Variants in BBOX1 observed in about 807,000 individuals in gnomAD.
BBOX1 encodes gamma-butyrobetaine dioxygenase.
Under a neutral mutation model 41.6 loss-of-function variants are expected in BBOX1, and 35 were observed. That is an observed-to-expected ratio of 0.84 (90% confidence interval 0.64 to 1.11). The LOEUF is 1.11. Among genes scored for constraint, BBOX1 ranks in the 50% most tolerant of loss-of-function variants. The pLI, the probability that BBOX1 is intolerant of heterozygous loss-of-function variation, is 0.00. For missense variants in BBOX1, 458 were observed against 460.6 expected, an observed-to-expected ratio of 0.99 and a Z score of 0.05; for synonymous variants, 163 against 154.7, an observed-to-expected ratio of 1.05 and a Z score of -0.40.
In BBOX1 at chr11:27,055,605, G is replaced by T; in HGVS notation, c.175G>T (p.Asp59Tyr). The T allele has an allele frequency of 6.2e-7, 1 of 1,614,130 alleles. No homozygotes were observed. Among genetic ancestry groups the T allele is most frequent in the Middle Eastern group, 1.6e-4 (1 of 6,062 alleles). ...KARKLLVEAL[D>Y]VNIGIKGLIF... ...ACGGAAACTTCTAGTGGAAGCTCTT[G>T]ATGTGAACATTGGAATTAAAGGCTT... The change falls in exon 3 of 9, where the codon GAT becomes TAT. Residue 59 changes from aspartate (D) to tyrosine (Y), a missense_variant. Transcript: ENST00000263182.
intron 4 of BBOX1, among the ~76,000 whole-genome samples, chr11:27,085,984 ACT>A (rs1275107058): frequency 4.6e-5 from 7 of 152,120 alleles, no homozygotes; most frequent in African/African-American, 1.2e-4. Flanking sequence ...CAAGGCCCTA[ACT>A]CTGTTTAATT....
chr11:27,053,381 T>G (rs916914575), intron 2 of BBOX1, among the ~76,000 whole-genome samples: 1 of 152,242 alleles, frequency 6.6e-6, no homozygotes, highest in Non-Finnish European at 1.5e-5. Context: ...TCGCCTACAT[T>G]GTTTTTGTGC....
At position 27,119,834 on chromosome 11, in the gene BBOX1, T is replaced by A. The variant is rs1415478915; in HGVS notation, c.825T>A (p.His275Gln). ...DYCDFSVQSK[H>Q]KIIELDDKGQ... ...GTGATTTTTCTGTACAATCAAAACA[T>A]AAAATTATAGAGTAAGTACTATTTA... is the stretch of plus-strand genomic sequence containing the variant. The change falls in exon 7 of 9, where the codon CAT becomes CAA. Residue 275 changes from histidine to glutamine, a missense_variant. Coordinates refer to ENST00000263182, the MANE Select transcript of BBOX1 (RefSeq NM_003986.3). 7.3e-6 allele frequency: 11 copies of A among 1,511,836 alleles called. No homozygotes were observed. Among genetic ancestry groups the A allele is most frequent in the African/African-American group, 1.4e-5 (1 of 70,514 alleles). The allele number at this position is 1,511,836 out of a possible 1,614,324, so 93.7% of individuals were successfully genotyped here.
At chr11:27,096,160 T>A (rs1858431755) in intron 5 of BBOX1, among the ~76,000 whole-genome samples, 1 of 151,954 alleles carries the variant, frequency 6.6e-6, no homozygotes, top group African/African-American at 2.4e-5. Context: ...GTGCTTTATA[T>A]CATCTGAACT....
intron 5 of BBOX1, among the ~76,000 whole-genome samples, chr11:27,097,593 G>A (rs1004102144): frequency 6.6e-6 from 1 of 151,976 alleles, no homozygotes; most frequent in Non-Finnish European, 1.5e-5. Flanking sequence ...ACTTGAATTG[G>A]CTTCCTTTAA....
intron 4 of BBOX1, among the ~76,000 whole-genome samples, chr11:27,063,753 T>C (rs560357427): frequency 6.6e-6 from 1 of 152,246 alleles, no homozygotes; most frequent in South Asian, 2.1e-4. Context: ...CTTCAGTCTA[T>C]AGCTATAACG....
intron 2 of BBOX1, among the ~76,000 whole-genome samples, chr11:27,055,021 C>A (rs1172607786): frequency 1.3e-5 from 2 of 152,160 alleles, no homozygotes; most frequent in Admixed American, 6.5e-5. Flanking sequence ...GTGATTGTTA[C>A]ACTTTCAATT....
At chr11:27,122,559 C>T (rs1240863047) in intron 7 of BBOX1, among the ~76,000 whole-genome samples, 1 of 152,112 alleles carries the variant, frequency 6.6e-6, no homozygotes, top group Non-Finnish European at 1.5e-5. Context: ...CCAAAGCAAA[C>T]AGAGACTATA....
chr11:27,084,636 G>T (rs1021012626), intron 4 of BBOX1, among the ~76,000 whole-genome samples: 1 of 152,114 alleles, frequency 6.6e-6, no homozygotes, highest in Non-Finnish European at 1.5e-5. Context: ...CTATTTCAGA[G>T]CCAACAGCTC....
intron 4 of BBOX1, among the ~76,000 whole-genome samples, chr11:27,076,089 T>C (rs891627840): frequency 6.6e-6 from 1 of 152,196 alleles, no homozygotes; most frequent in African/African-American, 2.4e-5. Context: ...ACTCTCCGCC[T>C]AGGAGTAGGA....
chr11:27,045,036 C>T (rs897764626), intron 2 of BBOX1, among the ~76,000 whole-genome samples: 10 of 152,252 alleles, frequency 6.6e-5, no homozygotes, highest in Non-Finnish European at 1.0e-4. Flanking sequence ...GCCATTTTCA[C>T]GATATTGATT....
At chr11:27,083,987 T>C (rs1265879324) in intron 4 of BBOX1, among the ~76,000 whole-genome samples, 1 of 152,114 alleles carries the variant, frequency 6.6e-6, no homozygotes, top group Non-Finnish European at 1.5e-5. Context: ...CCTTAGCACT[T>C]GTCACATACA....
intron 5 of BBOX1, among the ~76,000 whole-genome samples, chr11:27,110,520 C>T (rs566384211): frequency 6.6e-6 from 1 of 152,040 alleles, no homozygotes; most frequent in African/African-American, 2.4e-5. Context: ...ACTAAACATA[C>T]TCCGAACTCA....
chr11:27,055,471 C>T lies in BBOX1; in HGVS notation c.41C>T (p.Ala14Val), dbSNP rs540166569. 7 of 1,614,084 alleles carry T rather than the reference C, an allele frequency of 4.3e-6. No individual in the cohort carries two copies. In the East Asian group the frequency reaches 8.9e-5, roughly 21 times the overall value. ...CAAAAGGCAGAAGCACTTGACGGGG[C>T]TCATTTGATGCAGATCCTCTGGTAT... ...TIQKAEALDGAHLMQILWYDE... is the reference protein window; with the variant it reads ...TIQKAEALDGVHLMQILWYDE... The change falls in exon 3 of 9, where the codon GCT becomes GTT. Residue 14 changes from alanine to valine, a missense_variant. Transcript: ENST00000263182.
At chr11:27,078,130 C>T (rs1857699488) in intron 4 of BBOX1, among the ~76,000 whole-genome samples, 1 of 152,020 alleles carries the variant, frequency 6.6e-6, no homozygotes, top group Non-Finnish European at 1.5e-5. Context: ...CTTTACCTAG[C>T]CATTCTACAA....
chr11:27,061,867 T>C (rs1857142671), intron 4 of BBOX1, among the ~76,000 whole-genome samples: 1 of 152,226 alleles, frequency 6.6e-6, no homozygotes, highest in African/African-American at 2.4e-5. Context: ...TGGGTATCTA[T>C]TTTGTGCCAG....
At chr11:27,105,465 A>T (rs1858832133) in intron 5 of BBOX1, among the ~76,000 whole-genome samples, 1 of 152,210 alleles carries the variant, frequency 6.6e-6, no homozygotes, top group African/African-American at 2.4e-5. Context: ...TCAGTTGCAA[A>T]TTCGATCAAC....
intron 2 of BBOX1, among the ~76,000 whole-genome samples, chr11:27,048,190 A>G (rs1851549844): frequency 1.3e-5 from 2 of 152,124 alleles, no homozygotes; most frequent in South Asian, 4.1e-4. Context: ...TAGTCACTAT[A>G]TTGTACATCG....
At position 27,040,924 on chromosome 11, in the gene BBOX1, T is replaced by A. The variant is rs906100274; in HGVS notation, c.-406T>A. On this transcript the variant is annotated 5_prime_UTR_variant, in exon 1 of 9. In the 5' UTR this introduces an upstream ATG that the reference lacks. Transcript: ENST00000263182. ...TCTCAATGCCTCTGCCCTAAGTGAG[T>A]TGTGCAATAAATGAGCTGTCACTCT... 1 of 152,120 alleles carries A rather than the reference T, an allele frequency of 6.6e-6. No individual in the cohort carries two copies. The highest frequency in any genetic ancestry group is 1.9e-4 in the East Asian group (1 of 5,166). 9.4% of individuals were successfully genotyped at this position (152,120 alleles called of 1,614,324 possible).
Sources: gnomAD v4.1 joint callset for allele counts (sites outside exome capture counted in the v4.1 genomes callset) on GRCh38, gnomAD v4.1.1 for gene constraint, MANE v1.5 for transcripts, NCBI Gene and HGNC (gene_info 2026-07-23, HGNC 2026-07-21) for gene names.